The following B3GAT2 variants were observed in gnomAD, a reference collection of about 807,000 sequenced individuals.
The protein encoded by B3GAT2 is beta-1,3-glucuronyltransferase 2, also known as galactosylgalactosylxylosylprotein 3-beta-glucuronosyltransferase 2.
B3GAT2 carries 26 observed loss-of-function variants against 27.8 expected under a neutral mutation model. The observed-to-expected ratio is 0.93, with a 90% CI of 0.68 to 1.30. The LOEUF is 1.30. Ranked by LOEUF, B3GAT2 falls within the 50% of genes most tolerant of loss-of-function variation. The pLI is 0.00. For synonymous variants in B3GAT2, 218 were observed against 195.1 expected (o/e 1.12, Z -0.98); for missense variants, 458 against 459.0 (o/e 1.00, Z 0.02).
intron 2 of B3GAT2, among the ~76,000 whole-genome samples, chr6:70,878,871 T>A (rs1772056101): frequency 6.6e-6 from 1 of 151,786 alleles, no homozygotes; most frequent in Admixed American, 6.6e-5. Flanking sequence ...CTGCCCCCCC[T>A]CCCCCTTACC....
chr6:70,859,315 G>T lies in B3GAT2; in HGVS notation c.*2348C>A, dbSNP rs1480774725. ...ATGAACCAGGAAGGAGTTAATACTGGCTCTTACTTCCAGATAATGCAGAAG... is the reference window on the plus strand; with the variant it reads ...ATGAACCAGGAAGGAGTTAATACTGTCTCTTACTTCCAGATAATGCAGAAG... On this transcript the variant is annotated 3_prime_UTR_variant, in exon 4 of 4. Transcript: ENST00000230053. The T allele has an allele frequency of 6.5e-7, 1 of 1,540,710 alleles. No homozygotes were observed. The highest frequency in any genetic ancestry group is 8.8e-7 in the Non-Finnish European group (1 of 1,141,614).
intron 2 of B3GAT2, among the ~76,000 whole-genome samples, chr6:70,868,817 G>A (rs1224510237): frequency 2.0e-5 from 3 of 152,120 alleles, no homozygotes; most frequent in Non-Finnish European, 4.4e-5. Flanking sequence ...GAGAAAGAAA[G>A]ATATGTGTGG....
rs774804063 is a variant in B3GAT2 at position 70,860,159 on chromosome 6, GAAGT to G, written c.*1500_*1503del. 1.1e-3 allele frequency: 1,701 copies of G among 1,543,058 alleles called. 2 individuals are homozygous for G. Among genetic ancestry groups the G allele is most frequent in the Non-Finnish European group, 1.4e-3 (1,644 of 1,146,056 alleles). ...GGCTAAAGAAACAAGAATTAAAAGTGAAGTAAGCCTCTTGAACTAAGCCTTTTAT... is the reference window on the plus strand; with the variant it reads ...GGCTAAAGAAACAAGAATTAAAAGTGAAGCCTCTTGAACTAAGCCTTTTAT... On this transcript the variant is annotated 3_prime_UTR_variant, in exon 4 of 4. Transcript: ENST00000230053.
intron 1 of B3GAT2, among the ~76,000 whole-genome samples, chr6:70,927,765 A>G (rs540532217): frequency 6.6e-6 from 1 of 152,330 alleles, no homozygotes; most frequent in African/African-American, 2.4e-5. Flanking sequence ...TCCACTGTCA[A>G]TATTAGATCA....
In B3GAT2 at chr6:70,860,927, T is replaced by C. The variant is rs1166204591; in HGVS notation, c.*736A>G. The stretch of plus-strand genomic sequence containing the variant: ...TCCAAAACTTCGTTTAATGAATGCT[T>C]AAAGAATTCAAATTTTATCTGCCTC... On this transcript the variant is annotated 3_prime_UTR_variant, in exon 4 of 4. Coordinates refer to ENST00000230053, the MANE Select transcript of B3GAT2 (RefSeq NM_080742.3). 4 of 378,686 alleles carry C rather than the reference T, an allele frequency of 1.1e-5. No individual in the cohort carries two copies. In the East Asian group the frequency reaches 1.5e-4, roughly 14 times the overall value. 23.5% of individuals were successfully genotyped at this position (378,686 alleles called of 1,614,324 possible). A position where few individuals can be genotyped will look rare whatever the true frequency, so the allele number is the denominator to read the frequency against.
intron 1 of B3GAT2, among the ~76,000 whole-genome samples, chr6:70,927,717 C>A (rs1772987342): frequency 6.6e-6 from 1 of 152,062 alleles, no homozygotes; most frequent in African/African-American, 2.4e-5. Flanking sequence ...GACTCCCAAA[C>A]AATAATAATG....
At position 70,955,812 on chromosome 6, in the gene B3GAT2, C is replaced by T. The variant is rs1391386821; in HGVS notation, c.591+27G>A. On this transcript the variant is annotated intron_variant, in intron 1 of 3. Coordinates refer to ENST00000230053, the MANE Select transcript of B3GAT2 (RefSeq NM_080742.3). ...CCGGAGGCCCACTCCCGCCCTCGCC[C>T]ACCCAGCGGGGCAGGCTGGCCTTTA... is the stretch of plus-strand genomic sequence containing the variant. The T allele has an allele frequency of 2.6e-6, 4 of 1,553,282 alleles. No homozygotes were observed. The South Asian group carries it at 3.6e-5, about 14-fold the overall frequency.
At chr6:70,934,052 A>G (rs932491451) in intron 1 of B3GAT2, among the ~76,000 whole-genome samples, 5 of 152,218 alleles carry the variant, frequency 3.3e-5, no homozygotes, top group Admixed American at 3.3e-4. Flanking sequence ...CCCAGAACGC[A>G]GTAAAAAATG....
At chr6:70,934,014 T>A (rs1469373529) in intron 1 of B3GAT2, among the ~76,000 whole-genome samples, 5 of 152,190 alleles carry the variant, frequency 3.3e-5, no homozygotes, top group African/African-American at 1.2e-4. Flanking sequence ...CAGCAGCTCA[T>A]GCACACATCT....
intron 1 of B3GAT2, among the ~76,000 whole-genome samples, chr6:70,944,914 C>T (rs545386308): frequency 2.6e-4 from 39 of 152,244 alleles, no homozygotes; most frequent in African/African-American, 8.4e-4. Context: ...TCGCGGTTCA[C>T]GAAAATACGC....
rs68188898 is a variant in B3GAT2, at chr6:70,858,287, CTT to C, written c.*3374_*3375del. The C allele has an allele frequency of 0.12, 34,903 of 284,528 alleles. 101 individuals carry two copies. Among genetic ancestry groups the C allele is most frequent in the South Asian group, 0.19 (6,177 of 32,564 alleles). The allele number at this position is 284,528 out of a possible 1,614,324, so 17.6% of individuals were successfully genotyped here. A position where few individuals can be genotyped will look rare whatever the true frequency, so the allele number is the denominator to read the frequency against. On this transcript the variant is annotated 3_prime_UTR_variant, in exon 4 of 4. Coordinates refer to ENST00000230053, the MANE Select transcript of B3GAT2 (RefSeq NM_080742.3). ...ATCAAACCAGATTTATTTTCTAAAT[CTT>C]TTTTTTTTTTTTTTTTTTTTTTTTT...
rs1765666611 is a variant in B3GAT2 at position 70,956,847 on chromosome 6, G to A, written c.-418C>T. 2.9e-6 allele frequency: 3 copies of A among 1,035,612 alleles called. No homozygotes were observed. The highest frequency in any genetic ancestry group is 2.3e-6 in the Non-Finnish European group (2 of 862,658). 64.2% of individuals were successfully genotyped at this position (1,035,612 alleles called of 1,614,324 possible). A position where few individuals can be genotyped will look rare whatever the true frequency, so the allele number is the denominator to read the frequency against. On this transcript the variant is annotated 5_prime_UTR_variant, in exon 1 of 4. Transcript: ENST00000230053. ...CAGTCCGGCGGTGCTGCGGGCACAA[G>A]GGCTCCAGCCGCGGGCCCCCAGGAC...
chr6:70,885,368 C>T (rs1562218269), intron 2 of B3GAT2, among the ~76,000 whole-genome samples: 1 of 152,266 alleles, frequency 6.6e-6, no homozygotes, highest in East Asian at 1.9e-4. Context: ...AGCTCAAGTG[C>T]TGTTTGTTTA....
intron 2 of B3GAT2, among the ~76,000 whole-genome samples, chr6:70,868,323 A>C (rs1383460938): frequency 6.6e-6 from 1 of 152,094 alleles, no homozygotes; most frequent in Non-Finnish European, 1.5e-5. Context: ...TAAGGCTCCC[A>C]CCCCCACAAA....
Position 70,856,828 on chromosome 6 carries a change from A to G in B3GAT2, c.*4835T>C. The stretch of plus-strand genomic sequence containing the variant: ...GATAAGCTGCGCTTTACTATGCAGA[A>G]TTTGATAGCTTATTTTGGTGTTTGT... On this transcript the variant is annotated 3_prime_UTR_variant, in exon 4 of 4. Transcript: ENST00000230053. The G allele has an allele frequency of 1.9e-6, 3 of 1,569,418 alleles. No individual in the cohort carries two copies. The South Asian group carries it at 3.6e-5, about 19-fold the overall frequency.
chr6:70,886,642 GCTGCTCCAGAGCAAGCACC>G (rs1272090395), intron 2 of B3GAT2, among the ~76,000 whole-genome samples: 18 of 152,020 alleles, frequency 1.2e-4, no homozygotes, highest in Middle Eastern at 3.4e-3. Context: ...CCCACTACCA[GCTGCTCCAGAGCAAGCACC>G]CTGAGTATGA....
chr6:70,941,920 C>T (rs1281315569), intron 1 of B3GAT2, among the ~76,000 whole-genome samples: 1 of 152,140 alleles, frequency 6.6e-6, no homozygotes, highest in Admixed American at 6.5e-5. Context: ...AACTGAAATA[C>T]ATATTCAGGT....
intron 1 of B3GAT2, among the ~76,000 whole-genome samples, chr6:70,921,840 T>C (rs747452272): frequency 3.3e-5 from 5 of 152,182 alleles, no homozygotes; most frequent in Non-Finnish European, 5.9e-5. Flanking sequence ...CTGGCTTCAT[T>C]CTGAATGCTT....
At position 70,857,966 on chromosome 6, in the gene B3GAT2, C is replaced by A. The variant is rs779152913; in HGVS notation, c.*3697G>T. 9 of 1,614,004 alleles carry A rather than the reference C, an allele frequency of 5.6e-6. No homozygotes were observed. Among genetic ancestry groups the A allele is most frequent in the Non-Finnish European group, 6.8e-6 (8 of 1,180,008 alleles). On this transcript the variant is annotated 3_prime_UTR_variant, in exon 4 of 4. Coordinates refer to ENST00000230053, the MANE Select transcript of B3GAT2 (RefSeq NM_080742.3). Reference sequence around the variant, plus strand: ...AAATATACCATTTACCTCACAAGCACCAGCTGCATTTCAGGGCTTTCCATC... The same window carrying A: ...AAATATACCATTTACCTCACAAGCAACAGCTGCATTTCAGGGCTTTCCATC...
Sources: allele counts gnomAD v4.1 joint callset (sites outside exome capture counted in the v4.1 genomes callset), GRCh38; gene constraint gnomAD v4.1.1; transcripts MANE v1.5; gene names NCBI Gene and HGNC (gene_info 2026-07-23, HGNC 2026-07-21).